Variants in CRYBG3 observed in about 807,000 individuals in gnomAD.
The protein encoded by CRYBG3 is crystallin beta-gamma domain containing 3.
CRYBG3 carries 127 observed loss-of-function variants against 244.2 expected under a neutral mutation model. The ratio of observed to expected loss-of-function variants is 0.52; its 90% CI spans 0.45 to 0.60. The LOEUF is 0.60. Among genes scored for constraint, CRYBG3 ranks in the 20% least tolerant of loss-of-function variants. The pLI is 0.00. For synonymous variants in CRYBG3, 1,132 were observed against 1,195.8 expected (o/e 0.95, Z 1.10); for missense variants, 3,325 against 3,442.5 (o/e 0.97, Z 0.85).
At chr3:97,908,024 C>T (rs1458113175) in intron 15 of CRYBG3, among the ~76,000 whole-genome samples, 1 of 152,130 alleles carries the variant, frequency 6.6e-6, no homozygotes, top group African/African-American at 2.4e-5. Context: ...CATTCAGGAG[C>T]AGGTTGTTCA....
At chr3:97,878,733 A>G (rs183965335) in intron 4 of CRYBG3, among the ~76,000 whole-genome samples, 3 of 152,362 alleles carry the variant, frequency 2.0e-5, no homozygotes, top group Admixed American at 6.5e-5. Flanking sequence ...AAAATTTTTA[A>G]GTATTTGACA....
intron 18 of CRYBG3, among the ~76,000 whole-genome samples, chr3:97,936,206 T>G (rs141932948): frequency 6.6e-6 from 1 of 152,228 alleles, no homozygotes; most frequent in Non-Finnish European, 1.5e-5. Context: ...GAGACTCCAG[T>G]GTACTTTTAC....
At chr3:97,923,401 A>G (rs986028552) in intron 17 of CRYBG3, among the ~76,000 whole-genome samples, 1 of 152,100 alleles carries the variant, frequency 6.6e-6, no homozygotes, top group East Asian at 1.9e-4. Flanking sequence ...ACCTATATAT[A>G]TAGTTAATGG....
chr3:97,835,361 G>T (rs2038718110), intron 1 of CRYBG3, among the ~76,000 whole-genome samples: 1 of 152,076 alleles, frequency 6.6e-6, no homozygotes, highest in South Asian at 2.1e-4. Context: ...GATATGAAAG[G>T]TGTCTCTATT....
At chr3:97,898,803 A>G (rs2039668477) in intron 12 of CRYBG3, 80 bp from the exon 13 acceptor site, 3 of 958,610 alleles carry the variant, frequency 3.1e-6, no homozygotes, top group Admixed American at 6.4e-5. Flanking sequence ...CCCCATCAGT[A>G]TGTGATATTT....
chr3:97,879,953 G>A (rs762904568), intron 5 of CRYBG3, 32 bp from the exon 6 acceptor site: 12 of 1,136,546 alleles, frequency 1.1e-5, no homozygotes, highest in Admixed American at 5.9e-5. Context: ...ATTAGTTATT[G>A]TAACTACTTA....
In CRYBG3 at chr3:97,831,699, G is replaced by A. The variant is rs78803036; in HGVS notation, c.149+9344G>A. Among the ~76,000 whole-genome samples the A allele has an allele frequency of 4.6e-3, 707 of 152,234 alleles. 3 individuals carry two copies. The highest frequency in any genetic ancestry group is 0.015 in the African/African-American group (637 of 41,540). On this transcript the variant is annotated intron_variant, in intron 1 of 21. Transcript: ENST00000389622. ...TTCAGCTTAGCACTTCACTGTTAGA[G>A]TGGGGGGGATTACCGTTAACAATAG...
chr3:97,922,653 A>G (rs1020410664), intron 17 of CRYBG3, among the ~76,000 whole-genome samples: 1 of 152,194 alleles, frequency 6.6e-6, no homozygotes, highest in African/African-American at 2.4e-5. Flanking sequence ...ATCTCACACC[A>G]GTTAGAATGA....
At chr3:97,825,182 C>A (rs1346150738) in intron 1 of CRYBG3, among the ~76,000 whole-genome samples, 1 of 152,146 alleles carries the variant, frequency 6.6e-6, no homozygotes, top group Admixed American at 6.5e-5. Context: ...GGTCTCTAGA[C>A]AAAATGTTTG....
intron 15 of CRYBG3, among the ~76,000 whole-genome samples, chr3:97,908,582 T>G (rs1174417053): frequency 6.6e-6 from 1 of 152,192 alleles, no homozygotes; most frequent in Non-Finnish European, 1.5e-5. Flanking sequence ...CTGCCTTTTT[T>G]TGTTTTCCAT....
intron 7 of CRYBG3, among the ~76,000 whole-genome samples, chr3:97,884,945 C>T (rs1028567731): frequency 1.3e-5 from 2 of 152,094 alleles, no homozygotes; most frequent in Non-Finnish European, 2.9e-5. Context: ...GTTTGTACAA[C>T]ACAATGCAGA....
At chr3:97,863,558 A>G (rs892805237) in intron 2 of CRYBG3, among the ~76,000 whole-genome samples, 10 of 152,106 alleles carry the variant, frequency 6.6e-5, no homozygotes, top group African/African-American at 2.2e-4. Context: ...GAACTGAAGT[A>G]CCATGTTACT....
At chr3:97,827,177 GC>G (rs1370000753) in intron 1 of CRYBG3, among the ~76,000 whole-genome samples, 1 of 152,286 alleles carries the variant, frequency 6.6e-6, no homozygotes, top group East Asian at 1.9e-4. Context: ...AAGTGGCAGT[GC>G]TTTTTTTTTG....
At chr3:97,849,919 C>T (rs967367283) in intron 2 of CRYBG3, among the ~76,000 whole-genome samples, 3 of 152,088 alleles carry the variant, frequency 2.0e-5, no homozygotes, top group Non-Finnish European at 4.4e-5. Context: ...TCTCTTCTCT[C>T]TTTGTATACC....
intron 20 of CRYBG3, chr3:97,941,902 T>C (rs1292711095): frequency 6.3e-6 from 1 of 157,548 alleles, no homozygotes; most frequent in Non-Finnish European, 1.4e-5. Flanking sequence ...TTAAAAGTAA[T>C]TATTGTCTGG....
chr3:97,907,172 A>G (rs932602307), intron 15 of CRYBG3, among the ~76,000 whole-genome samples: 2 of 152,180 alleles, frequency 1.3e-5, no homozygotes, highest in Non-Finnish European at 2.9e-5. Flanking sequence ...GGATTTTTGC[A>G]TCAATGTTCA....
intron 1 of CRYBG3, among the ~76,000 whole-genome samples, chr3:97,839,288 C>A (rs1407410109): frequency 6.6e-6 from 1 of 152,012 alleles, no homozygotes; most frequent in Non-Finnish European, 1.5e-5. Context: ...TCACCCCAAG[C>A]CTTTTGAGTC....
chr3:97,915,438 T>C (rs2039917856), intron 16 of CRYBG3, among the ~76,000 whole-genome samples, 172 bp from the exon 17 acceptor site: 1 of 152,118 alleles, frequency 6.6e-6, no homozygotes, highest in Non-Finnish European at 1.5e-5. Flanking sequence ...TCATAAGCAG[T>C]TGAGGAATGA....
At chr3:97,835,576 G>T (rs927081068) in intron 1 of CRYBG3, among the ~76,000 whole-genome samples, 1 of 152,090 alleles carries the variant, frequency 6.6e-6, no homozygotes. Context: ...GTAAGGAGTT[G>T]AAATGAAATG....
Sources: allele counts gnomAD v4.1 joint callset (sites outside exome capture counted in the v4.1 genomes callset), GRCh38; gene constraint gnomAD v4.1.1; transcripts MANE v1.5; gene names NCBI Gene and HGNC (gene_info 2026-07-23, HGNC 2026-07-21).